The following SCN3A variants were observed in gnomAD, a reference collection of about 807,000 sequenced individuals.
SCN3A encodes sodium channel protein type 3 subunit alpha.
Under a neutral mutation model 187.6 loss-of-function variants are expected in SCN3A, and 60 were observed. The ratio of observed to expected loss-of-function variants is 0.32; its 90% CI spans 0.26 to 0.40. SCN3A has a LOEUF of 0.40. Ranked by LOEUF, SCN3A falls within the 10% of genes least tolerant of loss-of-function variation. The pLI is 1.00. For synonymous variants in SCN3A, 788 were observed against 829.2 expected (o/e 0.95, Z 0.85); for missense variants, 1,601 against 2,428.2 (o/e 0.66, Z 7.16).
intron 24 of SCN3A, among the ~76,000 whole-genome samples, chr2:165,096,212 T>C (rs1685357339): frequency 6.6e-6 from 1 of 152,130 alleles, no homozygotes; most frequent in African/African-American, 2.4e-5. Context: ...ACTTTTCCAC[T>C]CAGAATAGTC....
intron 11 of SCN3A, among the ~76,000 whole-genome samples, chr2:165,153,410 A>C (rs536979261): frequency 6.6e-6 from 1 of 152,174 alleles, no homozygotes; most frequent in Non-Finnish European, 1.5e-5. Flanking sequence ...AGAATGATTT[A>C]AACAAAAAAG....
intron 11 of SCN3A, among the ~76,000 whole-genome samples, chr2:165,147,517 A>C (rs1436003455): frequency 6.6e-6 from 1 of 152,054 alleles, no homozygotes; most frequent in Non-Finnish European, 1.5e-5. Context: ...AGTGTCTACT[A>C]TTTTACCTCC....
intron 14 of SCN3A, 135 bp downstream of exon 14, chr2:165,139,341 T>A: frequency 2.5e-6 from 3 of 1,184,002 alleles, no homozygotes; most frequent in Non-Finnish European, 3.7e-6. Flanking sequence ...GATAATGTAC[T>A]CCATATATCA....
In SCN3A at chr2:165,128,426, C is replaced by CGAGAGAGA. The variant is rs35511955; in HGVS notation, c.2923-333_2923-326dup. ...ATCCTACCCTCAAGGATTCTGCCAA[C>CGAGAGAGA]GAGAGAGAGAGAGAGAGAGAGAGAA... On this transcript the variant is annotated intron_variant, in intron 17 of 27. Transcript: ENST00000283254. 2.1e-5 allele frequency among the ~76,000 whole-genome samples: 3 copies of CGAGAGAGA among 141,278 alleles called. No homozygotes were observed. In the East Asian group the frequency reaches 5.9e-4, roughly 28 times the overall value. The allele number at this position is 141,278 out of a possible 152,430, so 92.7% of individuals were successfully genotyped here. A position where few individuals can be genotyped will look rare whatever the true frequency, so the allele number is the denominator to read the frequency against.
intron 21 of SCN3A, among the ~76,000 whole-genome samples, chr2:165,111,375 A>G (rs1686105478): frequency 6.6e-6 from 1 of 152,070 alleles, no homozygotes; most frequent in Non-Finnish European, 1.5e-5. Flanking sequence ...CATGATAAAA[A>G]TCTTTTTGAA....
At chr2:165,174,897 T>C (rs1690351694) in intron 3 of SCN3A, among the ~76,000 whole-genome samples, 1 of 152,240 alleles carries the variant, frequency 6.6e-6, no homozygotes, top group African/African-American at 2.4e-5. Flanking sequence ...TCTTATGACT[T>C]TAAATAAAAC....
intron 1 of SCN3A, among the ~76,000 whole-genome samples, chr2:165,193,138 C>T (rs192256627): frequency 6.6e-6 from 1 of 152,062 alleles, no homozygotes; most frequent in Admixed American, 6.5e-5. Context: ...TTCAGATATA[C>T]CTGTTCCCTA....
At chr2:165,152,144 A>C (rs892189468) in intron 11 of SCN3A, among the ~76,000 whole-genome samples, 2 of 152,232 alleles carry the variant, frequency 1.3e-5, no homozygotes, top group Non-Finnish European at 2.9e-5. Flanking sequence ...TCTGGAATTC[A>C]ATTGAAGATT....
chr2:165,103,160 T>C (rs1199816120), intron 21 of SCN3A, among the ~76,000 whole-genome samples: 1 of 152,212 alleles, frequency 6.6e-6, no homozygotes, highest in African/African-American at 2.4e-5. Flanking sequence ...CAAATCTCTA[T>C]TATAAGTGGA....
At chr2:165,181,080 GAA>G (rs1314021358) in intron 2 of SCN3A, among the ~76,000 whole-genome samples, 3 of 148,596 alleles carry the variant, frequency 2.0e-5, no homozygotes, top group Non-Finnish European at 4.4e-5. Flanking sequence ...AATTTAATGA[GAA>G]GAATTTGTTT....
chr2:165,090,793 T>C lies in SCN3A; in HGVS notation c.5360A>G (p.Glu1787Gly), dbSNP rs1453225363. The C allele has an allele frequency of 6.2e-7, 1 of 1,614,106 alleles. No individual in the cohort carries two copies. Among genetic ancestry groups the C allele is most frequent in the Admixed American group, 1.7e-5 (1 of 59,998 alleles). Reference sequence around the variant, plus strand: ...CTCATAGAACATCTCAAAGTCATCCTCACTCAGGGGCTCTGCACTTTCTTC... The same window carrying C: ...CTCATAGAACATCTCAAAGTCATCCCCACTCAGGGGCTCTGCACTTTCTTC... The part of the protein sequence containing the change: ...ATEESAEPLS[E>G]DDFEMFYEVW... Residue 1787 changes from glutamate (E) to glycine (G), a missense_variant, in exon 28 of 28, where the codon GAG (glutamate) becomes GGG (glycine). Glu to Gly is a moderately conservative substitution (Grantham distance 98). Transcript: ENST00000283254. The surrounding 1 kb of genome is among the most constrained non-coding windows in gnomAD (Gnocchi z 4.0).
rs1039369568 is a variant in SCN3A, at chr2:165,092,163, C to T, written c.4807+91G>A. ...CTTTACATCTATATGCATTATTATT[C>T]TCAGACCTAATTTCCATGTTAATCA... is the stretch of plus-strand genomic sequence containing the variant. On this transcript the variant is annotated intron_variant, in intron 27 of 27. Coordinates refer to ENST00000283254, the MANE Select transcript of SCN3A (RefSeq NM_006922.4). The surrounding 1 kb of genome is among the most constrained non-coding windows in gnomAD (Gnocchi z 4.2). 2.6e-5 allele frequency: 33 copies of T among 1,258,494 alleles called. No homozygotes were observed. The highest frequency in any genetic ancestry group is 3.8e-5 in the Non-Finnish European group (33 of 859,180). 78.0% of individuals were successfully genotyped at this position (1,258,494 alleles called of 1,614,324 possible).
chr2:165,190,940 G>C (rs559776563), intron 1 of SCN3A, among the ~76,000 whole-genome samples: 7 of 152,010 alleles, frequency 4.6e-5, no homozygotes, highest in African/African-American at 1.7e-4. Context: ...CTCCACCCCA[G>C]GTATATATGG....
intron 11 of SCN3A, among the ~76,000 whole-genome samples, chr2:165,147,951 G>T (rs930071915): frequency 6.6e-6 from 1 of 152,086 alleles, no homozygotes; most frequent in African/African-American, 2.4e-5. Flanking sequence ...ATTACTATTT[G>T]TAAATGTAAC....
intron 18 of SCN3A, among the ~76,000 whole-genome samples, chr2:165,118,595 T>C (rs1559198500): frequency 6.6e-6 from 1 of 152,150 alleles, no homozygotes; most frequent in Non-Finnish European, 1.5e-5. Context: ...ATCTTTTTTT[T>C]TTCCCCCTTG....
chr2:165,092,067 G>T lies in SCN3A; in HGVS notation c.4807+187C>A. 1.6e-6 allele frequency: 1 copy of T among 633,762 alleles called. No individual in the cohort carries two copies. Among genetic ancestry groups the T allele is most frequent in the Non-Finnish European group, 2.8e-6 (1 of 360,946 alleles). The allele number at this position is 633,762 out of a possible 1,614,324, so 39.3% of individuals were successfully genotyped here. ...TTCCCAAATCTGGTATTCCTAACAT[G>T]GTTTCTAACTAGTTAGCTTTGTGAA... On this transcript the variant is annotated intron_variant, in intron 27 of 27. Coordinates refer to ENST00000283254, the MANE Select transcript of SCN3A (RefSeq NM_006922.4). This position sits in a 1 kb window ranked among gnomAD's most constrained non-coding sequence, Gnocchi z 4.2.
At chr2:165,114,403 GC>G (rs1360305872) in intron 19 of SCN3A, among the ~76,000 whole-genome samples, 14 of 152,164 alleles carry the variant, frequency 9.2e-5, no homozygotes, top group Admixed American at 5.2e-4. Context: ...CCAGGCATCA[GC>G]CACTGTCAAT....
At chr2:165,184,668 T>C (rs1390689546) in intron 2 of SCN3A, among the ~76,000 whole-genome samples, 3 of 152,102 alleles carry the variant, frequency 2.0e-5, no homozygotes, top group African/African-American at 7.2e-5. Context: ...ATATAGTCCT[T>C]ATCTTTATTT....
intron 11 of SCN3A, among the ~76,000 whole-genome samples, chr2:165,149,400 C>T (rs1017079086): frequency 1.3e-5 from 2 of 152,134 alleles, no homozygotes; most frequent in African/African-American, 4.8e-5. Context: ...ATCTCAAACT[C>T]CTGGCCTCAA....
Sources: gnomAD v4.1 joint callset for allele counts (sites outside exome capture counted in the v4.1 genomes callset) on GRCh38, gnomAD v4.1.1 for gene constraint, Gnocchi (gnomAD v3.1) non-coding constraint, MANE v1.5 for transcripts, NCBI Gene and HGNC (gene_info 2026-07-23, HGNC 2026-07-21) for gene names.